The following EVA1A variants were observed in gnomAD, a reference collection of about 807,000 sequenced individuals.
EVA1A encodes the protein protein eva-1 homolog A.
In EVA1A, 7 loss-of-function variants were observed where a neutral mutation model predicts 9.8. The ratio of observed to expected loss-of-function variants is 0.71; its 90% CI spans 0.41 to 1.34. The LOEUF is 1.34. Among genes scored for constraint, EVA1A ranks in the 40% most tolerant of loss-of-function variants. EVA1A has a pLI of 0.01. For missense variants in EVA1A, 206 were observed against 205.9 expected, an observed-to-expected ratio of 1.00 and a Z score of 0.00; for synonymous variants, 90 against 85.6, an observed-to-expected ratio of 1.05 and a Z score of -0.28.
intron 1 of EVA1A, among the ~76,000 whole-genome samples, chr2:75,549,006 ATATTTTTT>A (rs1676433761): frequency 1.6e-5 from 2 of 126,250 alleles, no homozygotes; most frequent in African/African-American, 6.5e-5. Flanking sequence ...ATATATATAT[ATATTTTTT>A]TTTTTTTTAC....
chr2:75,502,477 C>A (rs373126338), intron 3 of EVA1A, among the ~76,000 whole-genome samples: 68 of 152,330 alleles, frequency 4.5e-4, no homozygotes, highest in Middle Eastern at 3.4e-3. Flanking sequence ...ACCCTTTTAC[C>A]TATTCTGCAA....
chr2:75,524,676 C>A (rs1675357188), intron 1 of EVA1A, among the ~76,000 whole-genome samples: 2 of 152,288 alleles, frequency 1.3e-5, no homozygotes, highest in South Asian at 4.1e-4. Context: ...CTCATTCCAT[C>A]TTCTCAGCTT....
chr2:75,553,746 T>A (rs1041981940), intron 1 of EVA1A, among the ~76,000 whole-genome samples: 4 of 152,248 alleles, frequency 2.6e-5, no homozygotes, highest in Non-Finnish European at 4.4e-5. Flanking sequence ...GCTTTTGACA[T>A]GCAGCAGGGT....
chr2:75,515,465 G>A (rs1186882340), intron 3 of EVA1A, among the ~76,000 whole-genome samples: 1 of 152,170 alleles, frequency 6.6e-6, no homozygotes, highest in African/African-American at 2.4e-5. Flanking sequence ...GTGAGAAAGG[G>A]TCACTTTTCT....
At chr2:75,508,054 A>G (rs1002810116) in intron 3 of EVA1A, among the ~76,000 whole-genome samples, 9 of 152,154 alleles carry the variant, frequency 5.9e-5, no homozygotes, top group Admixed American at 1.3e-4. Context: ...CACTTCCCCA[A>G]TCAATACCCT....
chr2:75,549,815 G>A (rs759339751), intron 1 of EVA1A, among the ~76,000 whole-genome samples: 4 of 152,174 alleles, frequency 2.6e-5, no homozygotes, highest in Non-Finnish European at 4.4e-5. Flanking sequence ...TTTCCATAAA[G>A]GCCCTCTGTG....
At chr2:75,566,196 T>A (rs1224510352) in intron 1 of EVA1A, among the ~76,000 whole-genome samples, 1 of 152,250 alleles carries the variant, frequency 6.6e-6, no homozygotes, top group Non-Finnish European at 1.5e-5. Context: ...GGTCAAAGAA[T>A]GCAGTATGCC....
intron 1 of EVA1A, among the ~76,000 whole-genome samples, chr2:75,531,418 A>G (rs1275324149): frequency 1.3e-5 from 2 of 152,178 alleles, no homozygotes; most frequent in Admixed American, 6.5e-5. Flanking sequence ...CCAGAGGAAA[A>G]TGTCATTAAA....
At chr2:75,562,309 G>A (rs1676942374), upstream of EVA1A, among the ~76,000 whole-genome samples, 1 of 152,138 alleles carries the variant, frequency 6.6e-6, no homozygotes, top group African/African-American at 2.4e-5. Context: ...TTCTGTAATT[G>A]TCTGGGGTGG....
At chr2:75,510,847 T>A (rs1674787682) in intron 3 of EVA1A, among the ~76,000 whole-genome samples, 1 of 152,212 alleles carries the variant, frequency 6.6e-6, no homozygotes, top group African/African-American at 2.4e-5. Flanking sequence ...AAATGGCTCT[T>A]CAACATATGA....
At chr2:75,519,886 C>A (rs1165442938) in intron 2 of EVA1A, among the ~76,000 whole-genome samples, 1 of 152,164 alleles carries the variant, frequency 6.6e-6, no homozygotes, top group Non-Finnish European at 1.5e-5. Flanking sequence ...TTGCAACAAT[C>A]TCCTACCTGG....
chr2:75,521,187 T>C (rs1048329273), intron 2 of EVA1A, among the ~76,000 whole-genome samples: 3 of 152,204 alleles, frequency 2.0e-5, no homozygotes, highest in African/African-American at 4.8e-5. Context: ...GGATGACTAC[T>C]ATCAAAAATC....
chr2:75,506,165 A>G (rs1480764693), intron 3 of EVA1A, among the ~76,000 whole-genome samples: 1 of 152,102 alleles, frequency 6.6e-6, no homozygotes, highest in East Asian at 1.9e-4. Flanking sequence ...CTGCCTTTGG[A>G]TATTTAGGTT....
intron 1 of EVA1A, among the ~76,000 whole-genome samples, chr2:75,551,165 T>A (rs1558691975): frequency 6.6e-6 from 1 of 152,098 alleles, no homozygotes; most frequent in African/African-American, 2.4e-5. Flanking sequence ...AAAAACGTGC[T>A]GGTCTTTTCC....
At chr2:75,503,651 A>C (rs1273544965) in intron 3 of EVA1A, among the ~76,000 whole-genome samples, 1 of 152,150 alleles carries the variant, frequency 6.6e-6, no homozygotes, top group Non-Finnish European at 1.5e-5. Context: ...GTGAAAAGTA[A>C]AAGGCTTTTA....
At chr2:75,566,621 T>C (rs887089376) in intron 1 of EVA1A, among the ~76,000 whole-genome samples, 15 of 152,234 alleles carry the variant, frequency 9.9e-5, no homozygotes, top group African/African-American at 3.6e-4. Context: ...GGGGTTTATC[T>C]TGTTGAATTA....
intron 1 of EVA1A, among the ~76,000 whole-genome samples, chr2:75,525,136 A>G (rs907426130): frequency 5.3e-5 from 8 of 152,278 alleles, no homozygotes; most frequent in Admixed American, 4.6e-4. Context: ...GCACGCATGT[A>G]TATATGTATG....
Position 75,495,358 on chromosome 2 carries a change from A to G in EVA1A, c.86-1749T>C, listed in dbSNP as rs193089595. 2.7e-4 allele frequency among the ~76,000 whole-genome samples: 41 copies of G among 152,272 alleles called. No homozygotes were observed. In the East Asian group the frequency reaches 7.5e-3, roughly 28 times the overall value. On this transcript the variant is annotated intron_variant, in intron 3 of 3. Transcript: ENST00000393913. ...GGCATTTTGTGAGCATGAGGATGAG[A>G]TGGAGACACTTCGACCAAATGCTAG... is the stretch of plus-strand genomic sequence containing the variant.
At chr2:75,563,248 G>A (rs1013516854), upstream of EVA1A, among the ~76,000 whole-genome samples, 1 of 152,226 alleles carries the variant, frequency 6.6e-6, no homozygotes. Context: ...ACTTCTGGTT[G>A]TGCAGCAGGA....
Sources: gnomAD v4.1 joint callset for allele counts (sites outside exome capture counted in the v4.1 genomes callset) on GRCh38, gnomAD v4.1.1 for gene constraint, MANE v1.5 for transcripts, NCBI Gene and HGNC (gene_info 2026-07-23, HGNC 2026-07-21) for gene names.